ATG7: variants seen among roughly 807,000 people sequenced by gnomAD.
The protein encoded by ATG7 is ubiquitin-like modifier-activating enzyme ATG7.
Under a neutral mutation model 82.4 loss-of-function variants are expected in ATG7, and 70 were observed. The observed-to-expected ratio is 0.85, with a 90% CI of 0.70 to 1.04. The LOEUF (loss-of-function observed/expected upper bound fraction) is 1.04. Among genes scored for constraint, ATG7 ranks in the 50% least tolerant of loss-of-function variants. The probability of loss-of-function intolerance (pLI) is 0.00; values close to 1 mark genes in which losing one functional copy is unlikely to be tolerated. For synonymous variants in ATG7, 287 were observed against 313.0 expected, an observed-to-expected ratio of 0.92 and a Z score of 0.88; for missense variants, 792 against 864.3, an observed-to-expected ratio of 0.92 and a Z score of 1.05.
chr3:11,575,488 C>A, the ATG7 span, among the ~76,000 whole-genome samples: 1 of 152,134 alleles, frequency 6.6e-6, no homozygotes, highest in Non-Finnish European at 1.5e-5. Context: ...GAAGGAGCTC[C>A]GAGGGCAAAG....
intron 19 of ATG7, among the ~76,000 whole-genome samples, chr3:11,418,939 T>C (rs979627076): frequency 6.6e-6 from 1 of 152,022 alleles, no homozygotes; most frequent in African/African-American, 2.4e-5. Context: ...GAACTCGCTA[T>C]CGCAAGAACA....
chr3:11,364,145 ATTAG>A (rs1450254446), intron 17 of ATG7, among the ~76,000 whole-genome samples: 2 of 152,206 alleles, frequency 1.3e-5, no homozygotes, highest in Non-Finnish European at 2.9e-5. Context: ...AGAGTAGTGT[ATTAG>A]TTCTGCCCAA....
intron 20 of ATG7, among the ~76,000 whole-genome samples, chr3:11,444,993 A>G (rs2084381076): frequency 6.6e-6 from 1 of 152,240 alleles, no homozygotes; most frequent in South Asian, 2.1e-4. Context: ...ATACAAATCA[A>G]AACCACAGTG....
intron 19 of ATG7, among the ~76,000 whole-genome samples, chr3:11,392,367 C>G (rs2078884587): frequency 6.6e-6 from 1 of 151,962 alleles, no homozygotes. Flanking sequence ...AGTAGGGTAG[C>G]TTTCTCCCAT....
At chr3:11,478,664 T>C (rs1404809644) in intron 20 of ATG7, among the ~76,000 whole-genome samples, 1 of 151,842 alleles carries the variant, frequency 6.6e-6, no homozygotes. Context: ...CAGACTTAAA[T>C]AGAAAAAAGC....
At chr3:11,506,578 AAAAAAACCC>A (rs2091737048) in intron 20 of ATG7, among the ~76,000 whole-genome samples, 2 of 14,590 alleles carry the variant, frequency 1.4e-4, no homozygotes, top group South Asian at 3.5e-3. Flanking sequence ...AAAAAAAAAA[AAAAAAACCC>A]AAAAATTAGC....
At chr3:11,501,515 G>A (rs565859624) in intron 20 of ATG7, among the ~76,000 whole-genome samples, 9 of 113,354 alleles carry the variant, frequency 7.9e-5, no homozygotes, top group East Asian at 2.9e-4. Context: ...ATTTAAGTAC[G>A]GACTCCATAT....
chr3:11,494,991 G>A (rs1002725335), intron 20 of ATG7, among the ~76,000 whole-genome samples: 1 of 152,250 alleles, frequency 6.6e-6, no homozygotes, highest in African/African-American at 2.4e-5. Context: ...AGAATCGCTT[G>A]AACCTGGGAG....
intron 3 of ATG7, among the ~76,000 whole-genome samples, chr3:11,291,937 A>C (rs1345060312): frequency 2.0e-5 from 3 of 152,234 alleles, no homozygotes; most frequent in African/African-American, 7.2e-5. Context: ...AAGGCCAGTA[A>C]GCTTTCGTTT....
rs559367555 is a variant in ATG7 at position 11,325,687 on chromosome 3, T to A, written c.679-5653T>A. On this transcript the variant is annotated intron_variant, in intron 9 of 20. Coordinates refer to ENST00000693202, the MANE Select transcript of ATG7 (RefSeq NM_001349232.2). Reference sequence around the variant, plus strand: ...ACTACATCTCAAAAAAAAAAAAAAATTTTATCCTATAGATGAGAAAATTAA... The same window carrying A: ...ACTACATCTCAAAAAAAAAAAAAAAATTTATCCTATAGATGAGAAAATTAA... 2.7e-4 allele frequency among the ~76,000 whole-genome samples: 41 copies of A among 150,292 alleles called. 1 individual carries two copies. Among genetic ancestry groups the A allele is most frequent in the Admixed American group, 5.3e-4 (8 of 15,122 alleles).
intron 20 of ATG7, among the ~76,000 whole-genome samples, chr3:11,466,471 T>TA (rs1217443328): frequency 6.6e-6 from 1 of 152,214 alleles, no homozygotes; most frequent in African/African-American, 2.4e-5. Context: ...CCAAGTTAGT[T>TA]ACTGCCTTGT....
At chr3:11,397,510 T>A (rs2079412321) in intron 19 of ATG7, among the ~76,000 whole-genome samples, 1 of 151,930 alleles carries the variant, frequency 6.6e-6, no homozygotes, top group Admixed American at 6.6e-5. Context: ...CAGGCTGGAG[T>A]GCAGTGGTAC....
chr3:11,281,940 G>A (rs576966164), intron 2 of ATG7, among the ~76,000 whole-genome samples: 3 of 152,146 alleles, frequency 2.0e-5, no homozygotes, highest in Admixed American at 2.0e-4. Context: ...TTAGAAGCAA[G>A]CCTTCATAAC....
At chr3:11,574,785 A>ATGTG in the ATG7 span, among the ~76,000 whole-genome samples, 16,335 of 121,454 alleles carry the variant, frequency 0.13, 1,160 homozygotes, top group East Asian at 0.16. Context: ...TCAACTATAT[A>ATGTG]TGTGTGTGTG....
intron 17 of ATG7, among the ~76,000 whole-genome samples, chr3:11,363,663 T>G (rs1480504850): frequency 6.6e-6 from 1 of 152,220 alleles, no homozygotes; most frequent in African/African-American, 2.4e-5. Context: ...ATTTACATAG[T>G]AAATGGAAAA....
chr3:11,501,222 C>G (rs1480311713), intron 20 of ATG7, among the ~76,000 whole-genome samples: 2 of 152,192 alleles, frequency 1.3e-5, no homozygotes, highest in African/African-American at 4.8e-5. Context: ...CTACTGCACT[C>G]AGCCTGGGCA....
At chr3:11,288,639 C>G (rs935430733) in intron 3 of ATG7, 18 of 152,206 alleles carry the variant, frequency 1.2e-4, no homozygotes, top group Non-Finnish European at 1.9e-4. Context: ...CTCTCCTCAC[C>G]TCCTAGCAGC....
At chr3:11,383,709 A>G (rs1470581438) in intron 19 of ATG7, among the ~76,000 whole-genome samples, 1 of 152,132 alleles carries the variant, frequency 6.6e-6, no homozygotes, top group Non-Finnish European at 1.5e-5. Flanking sequence ...CAGCCTCCCA[A>G]AGTGCTGAGA....
intron 20 of ATG7, among the ~76,000 whole-genome samples, chr3:11,535,165 G>A (rs974156206): frequency 2.6e-5 from 4 of 152,200 alleles, no homozygotes; most frequent in African/African-American, 9.7e-5. Flanking sequence ...ATCCTTCGGG[G>A]CCTGGACCCG....
Sources: gnomAD v4.1 joint callset for allele counts (sites outside exome capture counted in the v4.1 genomes callset) on GRCh38, gnomAD v4.1.1 for gene constraint, MANE v1.5 for transcripts, NCBI Gene and HGNC (gene_info 2026-07-23, HGNC 2026-07-21) for gene names.